Variants in MREG observed in about 807,000 individuals in gnomAD.
MREG encodes the protein dilute suppressor protein homolog.
MREG carries 31 observed loss-of-function variants against 28.5 expected under a neutral mutation model. That is an observed-to-expected ratio of 1.09 (90% CI 0.82 to 1.47). The LOEUF is 1.47. Among genes scored for constraint, MREG ranks in the 40% most tolerant of loss-of-function variants. MREG has a pLI of 0.00. For synonymous variants in MREG, 106 were observed against 95.2 expected (o/e 1.11, Z -0.66); for missense variants, 256 against 257.4 (o/e 0.99, Z 0.04).
At chr2:215,996,911 C>G (rs12993444) in intron 1 of MREG, among the ~76,000 whole-genome samples, 77,374 of 151,850 alleles carry the variant, frequency 0.51, 20,049 homozygotes, top group Non-Finnish European at 0.54. Flanking sequence ...CTACCGAGTA[C>G]CTGGGATTAC....
chr2:215,959,683 C>CAGAA (rs1472807213), intron 2 of MREG, among the ~76,000 whole-genome samples: 3 of 152,204 alleles, frequency 2.0e-5, no homozygotes, highest in Non-Finnish European at 4.4e-5. Flanking sequence ...GTCTTGTTCC[C>CAGAA]AATGACAGCC....
In MREG at chr2:216,004,203, G is replaced by C. The variant is rs77005830; in HGVS notation, c.96-7738C>G. The stretch of plus-strand genomic sequence containing the variant: ...ACTCCTCCCTCTCCTTCAAGTCTTT[G>C]TTTAAACACCACCTCCTCAACAAGG... On this transcript the variant is annotated intron_variant, in intron 1 of 4. Coordinates refer to ENST00000263268, the MANE Select transcript of MREG (RefSeq NM_018000.3). 2.4e-3 allele frequency among the ~76,000 whole-genome samples: 373 copies of C among 152,250 alleles called. 14 individuals are homozygous for C. In the East Asian group the frequency reaches 0.058, roughly 24 times the overall value.
At chr2:216,002,777 CTTT>C (rs1178107087) in intron 1 of MREG, among the ~76,000 whole-genome samples, 5 of 152,106 alleles carry the variant, frequency 3.3e-5, no homozygotes, top group African/African-American at 1.2e-4. Context: ...CATTCTCCTT[CTTT>C]GTCTTTCCTT....
intron 2 of MREG, among the ~76,000 whole-genome samples, chr2:215,989,891 C>T (rs1041811221): frequency 6.6e-6 from 1 of 151,894 alleles, no homozygotes; most frequent in African/African-American, 2.4e-5. Flanking sequence ...AAATATGGGA[C>T]TATGTGAAAA....
At chr2:216,031,491 AAGAG>A in intron 1 of MREG, among the ~76,000 whole-genome samples, 1 of 130,588 alleles carries the variant, frequency 7.7e-6, no homozygotes, top group East Asian at 2.3e-4. Context: ...GAAAGAAAGA[AAGAG>A]AAAGAAAGAG....
At chr2:216,022,509 A>T (rs1426527202) in intron 1 of MREG, among the ~76,000 whole-genome samples, 1 of 152,116 alleles carries the variant, frequency 6.6e-6, no homozygotes, top group Non-Finnish European at 1.5e-5. Flanking sequence ...GTCTAACAAT[A>T]TTCCCACTTT....
At position 215,943,735 on chromosome 2, in the gene MREG, A is replaced by AG; in HGVS notation, c.*1127dup. 3.4e-6 allele frequency: 1 copy of AG among 298,208 alleles called. No individual in the cohort carries two copies. Among genetic ancestry groups the AG allele is most frequent in the Non-Finnish European group, 6.6e-6 (1 of 150,896 alleles). 18.5% of individuals were successfully genotyped at this position (298,208 alleles called of 1,614,324 possible). On this transcript the variant is annotated 3_prime_UTR_variant, in exon 5 of 5. Transcript: ENST00000263268. The stretch of plus-strand genomic sequence containing the variant: ...ACGCGCCTGTAGTTCCAGCTACTCC[A>AG]GAGGCTGAGGCAGGGGAATCACTTG...
intron 2 of MREG, among the ~76,000 whole-genome samples, chr2:215,962,345 A>G (rs1281472155): frequency 6.6e-6 from 1 of 152,164 alleles, no homozygotes; most frequent in East Asian, 1.9e-4. Flanking sequence ...CCTCACGTAC[A>G]GTTTAGGGTT....
At chr2:215,970,553 C>T (rs1301651465) in intron 2 of MREG, among the ~76,000 whole-genome samples, 1 of 152,216 alleles carries the variant, frequency 6.6e-6, no homozygotes, top group Admixed American at 6.5e-5. Context: ...TCAAGCCTCT[C>T]TAACAAGAGT....
At chr2:216,028,934 A>C (rs551474909) in intron 1 of MREG, among the ~76,000 whole-genome samples, 2 of 152,206 alleles carry the variant, frequency 1.3e-5, no homozygotes, top group Admixed American at 6.5e-5. Context: ...GAAAAAAATA[A>C]GGCTTTTTCT....
chr2:216,018,029 G>T (rs1299054027), upstream of MREG, among the ~76,000 whole-genome samples: 1 of 151,854 alleles, frequency 6.6e-6, no homozygotes, highest in South Asian at 2.1e-4. Context: ...CATGAGTGGT[G>T]GTGCATGCCT....
chr2:215,993,530 A>G (rs1460215774), intron 2 of MREG, among the ~76,000 whole-genome samples: 2 of 152,220 alleles, frequency 1.3e-5, no homozygotes, highest in Non-Finnish European at 1.5e-5. Context: ...TCATGAATAA[A>G]ACACCAAAAA....
At chr2:215,975,486 A>T (rs1693230782) in intron 2 of MREG, among the ~76,000 whole-genome samples, 1 of 152,220 alleles carries the variant, frequency 6.6e-6, no homozygotes, top group Admixed American at 6.5e-5. Flanking sequence ...AAAAAGAGCT[A>T]GTCAGTGCAA....
intron 1 of MREG, among the ~76,000 whole-genome samples, chr2:216,007,200 C>T (rs1011880195): frequency 8.5e-5 from 13 of 152,084 alleles, no homozygotes; most frequent in African/African-American, 2.9e-4. Flanking sequence ...TGCAAATTCG[C>T]CCACTCGTCA....
chr2:215,989,770 T>C (rs1012314702), intron 2 of MREG, among the ~76,000 whole-genome samples: 4 of 151,372 alleles, frequency 2.6e-5, no homozygotes, highest in Admixed American at 2.6e-4. Flanking sequence ...AATAGCCAAA[T>C]CGATCAAGCA....
At chr2:216,030,944 TCTCTCTCTCTCTCACA>T (rs1392614351) in intron 1 of MREG, among the ~76,000 whole-genome samples, 3 of 57,442 alleles carry the variant, frequency 5.2e-5, no homozygotes, top group African/African-American at 9.4e-5. Context: ...TCTCTCTCTC[TCTCTCTCTCTCTCACA>T]CACACACACA....
chr2:216,013,056 TACTC>T (rs1188224586), intron 1 of MREG, among the ~76,000 whole-genome samples, 173 bp downstream of exon 1: 1 of 152,186 alleles, frequency 6.6e-6, no homozygotes, highest in East Asian at 1.9e-4. Context: ...GCAAAAATCT[TACTC>T]AAGGAACAAA....
chr2:216,009,363 AG>A (rs770179685), intron 1 of MREG, among the ~76,000 whole-genome samples: 50 of 152,082 alleles, frequency 3.3e-4, no homozygotes, highest in Non-Finnish European at 6.9e-4. Context: ...AATGCTGCTA[AG>A]TGGGGGTTGG....
At chr2:216,002,306 C>G (rs1392942861) in intron 1 of MREG, among the ~76,000 whole-genome samples, 2 of 152,170 alleles carry the variant, frequency 1.3e-5, no homozygotes, top group African/African-American at 4.8e-5. Context: ...CTAACTTCTG[C>G]CTGGGGATAT....
Sources: gnomAD v4.1 joint callset for allele counts (sites outside exome capture counted in the v4.1 genomes callset) on GRCh38, gnomAD v4.1.1 for gene constraint, MANE v1.5 for transcripts, NCBI Gene and HGNC (gene_info 2026-07-23, HGNC 2026-07-21) for gene names.